Variants in ARHGEF10L observed in about 807,000 individuals in gnomAD.
ARHGEF10L encodes the protein Rho guanine nucleotide exchange factor 10 like.
A neutral mutation model predicts 141.2 loss-of-function variants in ARHGEF10L; 69 were observed. That is an observed-to-expected ratio of 0.49 (90% CI 0.40 to 0.60). The LOEUF (loss-of-function observed/expected upper bound fraction) is 0.60. Among genes scored for constraint, ARHGEF10L ranks in the 20% least tolerant of loss-of-function variants. The pLI, the probability that ARHGEF10L is intolerant of heterozygous loss-of-function variation, is 0.00. For synonymous variants in ARHGEF10L, 711 were observed against 718.5 expected (o/e 0.99, Z 0.17); for missense variants, 1,482 against 1,734.3 (o/e 0.85, Z 2.58).
chr1:17,654,792 G>A lies in ARHGEF10L; in HGVS notation c.2481+70G>A, dbSNP rs1453165806. 21 of 1,421,844 alleles carry A rather than the reference G, an allele frequency of 1.5e-5. No individual in the cohort carries two copies. Among genetic ancestry groups the A allele is most frequent in the Admixed American group, 1.7e-5 (1 of 59,650 alleles). 88.1% of individuals were successfully genotyped at this position (1,421,844 alleles called of 1,614,324 possible). A position where few individuals can be genotyped will look rare whatever the true frequency, so the allele number is the denominator to read the frequency against. ...GGAGTAGGGAGAGCGGCACCTGGGA[G>A]GGGGTGCTGGAGACAGCAGCTGCCT... is the stretch of plus-strand genomic sequence containing the variant. On this transcript the variant is annotated intron_variant, in intron 23 of 28. Transcript: ENST00000361221. The surrounding 1 kb of genome is among the most constrained non-coding windows in gnomAD (Gnocchi z 4.3).
intron 1 of ARHGEF10L, among the ~76,000 whole-genome samples, chr1:17,544,683 C>T (rs953385361): frequency 1.3e-5 from 2 of 152,074 alleles, no homozygotes; most frequent in African/African-American, 4.8e-5. Context: ...TGGTTATTTG[C>T]TGCTTTGTGT....
chr1:17,622,793 TG>T (rs2060174972), intron 11 of ARHGEF10L, among the ~76,000 whole-genome samples: 1 of 151,944 alleles, frequency 6.6e-6, no homozygotes, highest in South Asian at 2.1e-4. Context: ...CACAGAAGCA[TG>T]GGGGTGTTGT....
chr1:17,588,878 G>GTC (rs1557757845), intron 4 of ARHGEF10L, among the ~76,000 whole-genome samples: 2 of 82,302 alleles, frequency 2.4e-5, no homozygotes. Flanking sequence ...GTGTGTGTGT[G>GTC]TGTGTGTGTG....
chr1:17,670,472 G>A (rs557222226), intron 26 of ARHGEF10L, among the ~76,000 whole-genome samples: 2 of 152,244 alleles, frequency 1.3e-5, no homozygotes, highest in South Asian at 2.1e-4. Flanking sequence ...CATTTTAACC[G>A]ATTGCTGGAG....
intron 4 of ARHGEF10L, among the ~76,000 whole-genome samples, chr1:17,592,562 C>A (rs2079643054): frequency 6.6e-6 from 1 of 152,144 alleles, no homozygotes; most frequent in Non-Finnish European, 1.5e-5. Flanking sequence ...CCAGGCTCAG[C>A]AAAGCAGTAT....
At chr1:17,596,487 C>T (rs907916287) in intron 4 of ARHGEF10L, among the ~76,000 whole-genome samples, 106 of 152,326 alleles carry the variant, frequency 7.0e-4, no homozygotes, top group African/African-American at 2.5e-3. Flanking sequence ...CTTTCTAGTC[C>T]CATCCCCAAA....
At chr1:17,540,375 G>A (rs2076678054) in intron 1 of ARHGEF10L, among the ~76,000 whole-genome samples, 1 of 151,974 alleles carries the variant, frequency 6.6e-6, no homozygotes, top group African/African-American at 2.4e-5. Flanking sequence ...CGCCTCTGTG[G>A]TGAGTCAGCC....
chr1:17,628,086 C>A (rs940594870), intron 15 of ARHGEF10L, among the ~76,000 whole-genome samples: 5 of 151,818 alleles, frequency 3.3e-5, no homozygotes, highest in Non-Finnish European at 7.4e-5. Context: ...GCCTGTAGTC[C>A]CAGCACTTTG....
chr1:17,637,855 A>G, intron 18 of ARHGEF10L, 33 bp from the exon 19 acceptor site: 5 of 1,545,666 alleles, frequency 3.2e-6, no homozygotes, highest in Non-Finnish European at 4.4e-6. Context: ...TAGCGCCTTC[A>G]CCTGTGCCTG....
At chr1:17,685,984 C>T (rs953786292) in intron 26 of ARHGEF10L, among the ~76,000 whole-genome samples, 9 of 152,218 alleles carry the variant, frequency 5.9e-5, no homozygotes, top group African/African-American at 1.9e-4. Context: ...AAAATCATCC[C>T]GTCCTGCTCC....
At chr1:17,582,954 C>G (rs992247236) in intron 2 of ARHGEF10L, among the ~76,000 whole-genome samples, 1 of 151,826 alleles carries the variant, frequency 6.6e-6, no homozygotes, top group Non-Finnish European at 1.5e-5. Flanking sequence ...AGGCCAGGCA[C>G]AGTGGCTCAT....
intron 14 of ARHGEF10L, 116 bp downstream of exon 14, chr1:17,626,164 C>T: frequency 1.3e-6 from 1 of 793,672 alleles, no homozygotes; most frequent in Non-Finnish European, 2.1e-6. Context: ...ATAACCCACC[C>T]AACCTGCTGT....
At chr1:17,628,278 C>T (rs960273704) in intron 15 of ARHGEF10L, among the ~76,000 whole-genome samples, 3 of 152,118 alleles carry the variant, frequency 2.0e-5, no homozygotes, top group Admixed American at 6.5e-5. Flanking sequence ...TGCAGTGAAC[C>T]GAGATTGTGC....
chr1:17,654,740 C>T lies in ARHGEF10L; in HGVS notation c.2481+18C>T. ...ACCTCTGGGTGAGTCACCCCCCTGC[C>T]CAGCTGGGCATTCTGGCCTCAGGAC... On this transcript the variant is annotated intron_variant, in intron 23 of 28. Transcript: ENST00000361221. This position sits in a 1 kb window ranked among gnomAD's most constrained non-coding sequence, Gnocchi z 4.3. The T allele has an allele frequency of 6.2e-7, 1 of 1,610,084 alleles. No homozygotes were observed. Among genetic ancestry groups the T allele is most frequent in the Non-Finnish European group, 8.5e-7 (1 of 1,177,020 alleles).
intron 20 of ARHGEF10L, 200 bp from the exon 21 acceptor site, chr1:17,640,002 T>C (rs2061239088): frequency 6.8e-7 from 1 of 1,472,436 alleles, no homozygotes; most frequent in African/African-American, 1.4e-5. Flanking sequence ...CTGGGGGTCA[T>C]TGTGGGCGGA....
intron 21 of ARHGEF10L, among the ~76,000 whole-genome samples, chr1:17,646,959 G>A (rs1042282656): frequency 6.6e-6 from 1 of 151,948 alleles, no homozygotes; most frequent in Non-Finnish European, 1.5e-5. Flanking sequence ...GAACGGCGAG[G>A]CCAGGTGTAA....
intron 1 of ARHGEF10L, among the ~76,000 whole-genome samples, chr1:17,576,016 G>T (rs1021380994): frequency 1.3e-5 from 2 of 151,204 alleles, no homozygotes; most frequent in Non-Finnish European, 2.9e-5. Flanking sequence ...TGCTTCCCCC[G>T]CTTCTGCCTG....
Position 17,619,331 on chromosome 1 carries a change from C to T in ARHGEF10L, c.836-8C>T. 2.5e-6 allele frequency: 4 copies of T among 1,612,758 alleles called. No individual in the cohort carries two copies. The highest frequency in any genetic ancestry group is 3.4e-6 in the Non-Finnish European group (4 of 1,179,604). ...TTAGCTGTGTCATCGGCCCATCTGACTTTCCAGGTGACTCGGAGGAGGAGG... is the reference window on the plus strand; with the variant it reads ...TTAGCTGTGTCATCGGCCCATCTGATTTTCCAGGTGACTCGGAGGAGGAGG... On this transcript the variant is annotated splice_region_variant and splice_polypyrimidine_tract_variant and intron_variant, in intron 9 of 28. Transcript: ENST00000361221. The surrounding 1 kb of genome is among the most constrained non-coding windows in gnomAD (Gnocchi z 5.0).
chr1:17,682,995 C>T (rs1020629654), intron 26 of ARHGEF10L, among the ~76,000 whole-genome samples: 3 of 152,148 alleles, frequency 2.0e-5, no homozygotes, highest in Admixed American at 1.3e-4. Context: ...TCTCAGGGTA[C>T]GTGGATACCT....
Sources: allele counts gnomAD v4.1 joint callset (sites outside exome capture counted in the v4.1 genomes callset), GRCh38; gene constraint gnomAD v4.1.1; non-coding constraint Gnocchi (gnomAD v3.1); transcripts MANE v1.5; gene names NCBI Gene and HGNC (gene_info 2026-07-23, HGNC 2026-07-21).